KCNB2: variants seen among roughly 807,000 people sequenced by gnomAD.
KCNB2 encodes potassium voltage-gated channel subfamily B member 2, also known as delayed rectifier potassium channel protein.
In KCNB2, 15 loss-of-function variants were observed where a neutral mutation model predicts 61.5. That is an observed-to-expected ratio of 0.24 (90% CI 0.16 to 0.38). KCNB2 has a LOEUF of 0.38. Among genes scored for constraint, KCNB2 ranks in the 10% least tolerant of loss-of-function variants. The probability of loss-of-function intolerance (pLI) is 1.00; values close to 1 mark genes in which losing one functional copy is unlikely to be tolerated. For synonymous variants in KCNB2, 457 were observed against 446.0 expected, an observed-to-expected ratio of 1.02 and a Z score of -0.31; for missense variants, 828 against 1,125.2, an observed-to-expected ratio of 0.74 and a Z score of 3.78.
intron 1 of KCNB2, among the ~76,000 whole-genome samples, chr8:72,560,705 C>T (rs1363097745): frequency 6.6e-6 from 1 of 152,146 alleles, no homozygotes; most frequent in African/African-American, 2.4e-5. Flanking sequence ...TTTCTGTGTG[C>T]ATTTTGAAGC....
At chr8:72,691,993 T>C (rs1806946879) in intron 2 of KCNB2, among the ~76,000 whole-genome samples, 1 of 152,038 alleles carries the variant, frequency 6.6e-6, no homozygotes, top group Admixed American at 6.5e-5. Flanking sequence ...TCCCAGCAGT[T>C]TGGGAGGCCG....
rs1156441696 is a variant in KCNB2, at chr8:72,822,099, T to A, written c.580-113836T>A. Among the ~76,000 whole-genome samples the A allele has an allele frequency of 7.2e-5, 11 of 152,240 alleles. No individual in the cohort carries two copies. In the South Asian group the frequency reaches 1.9e-3, roughly 26 times the overall value. On this transcript the variant is annotated intron_variant, in intron 2 of 2. Transcript: ENST00000523207. ...CCATTTGCTAATCTGATCATGTCAC[T>A]GTCTTGCTTAAAACCCTTTGGTGAC... is the stretch of plus-strand genomic sequence containing the variant.
chr8:72,894,660 A>C (rs1046150059), intron 2 of KCNB2, among the ~76,000 whole-genome samples: 2 of 152,142 alleles, frequency 1.3e-5, no homozygotes, highest in African/African-American at 4.8e-5. Context: ...CAGGGCAGCA[A>C]CATCCTTCCC....
intron 2 of KCNB2, among the ~76,000 whole-genome samples, chr8:72,697,615 C>T (rs1041657424): frequency 6.6e-6 from 1 of 152,010 alleles, no homozygotes; most frequent in Non-Finnish European, 1.5e-5. Flanking sequence ...AGCCACTGTG[C>T]TCCAGCCTGG....
chr8:72,807,174 T>C (rs541013085), intron 2 of KCNB2, among the ~76,000 whole-genome samples: 1 of 152,320 alleles, frequency 6.6e-6, no homozygotes, highest in East Asian at 1.9e-4. Context: ...CAGTGGAAGA[T>C]ATATGGCTGT....
At chr8:72,898,766 G>GTA (rs1168456267) in intron 2 of KCNB2, among the ~76,000 whole-genome samples, 1 of 152,002 alleles carries the variant, frequency 6.6e-6, no homozygotes, top group Non-Finnish European at 1.5e-5. Context: ...CATCATCCAG[G>GTA]TAGTGAACAT....
At chr8:72,862,039 G>T (rs967201158) in intron 2 of KCNB2, among the ~76,000 whole-genome samples, 2 of 152,120 alleles carry the variant, frequency 1.3e-5, no homozygotes, top group Admixed American at 1.3e-4. Context: ...AGGCATAGTG[G>T]TGCACAACTG....
At chr8:72,745,437 A>G (rs1191068234) in intron 2 of KCNB2, among the ~76,000 whole-genome samples, 1 of 152,066 alleles carries the variant, frequency 6.6e-6, no homozygotes, top group African/African-American at 2.4e-5. Flanking sequence ...CATTCCTACT[A>G]CCCTTGTAGG....
At chr8:72,714,305 G>A (rs1219213533) in intron 2 of KCNB2, among the ~76,000 whole-genome samples, 8 of 152,124 alleles carry the variant, frequency 5.3e-5, no homozygotes, top group Non-Finnish European at 1.2e-4. Context: ...AGGAAATACA[G>A]AGAATGCCAC....
chr8:72,893,261 A>G (rs1805931621), intron 2 of KCNB2, among the ~76,000 whole-genome samples: 1 of 152,134 alleles, frequency 6.6e-6, no homozygotes, highest in East Asian at 1.9e-4. Flanking sequence ...TGATAAATAC[A>G]TTTCATGTCC....
At chr8:72,772,282 T>A (rs1403096617) in intron 2 of KCNB2, among the ~76,000 whole-genome samples, 1 of 152,210 alleles carries the variant, frequency 6.6e-6, no homozygotes, top group African/African-American at 2.4e-5. Flanking sequence ...CTACTCCATT[T>A]TGGACCAGAT....
intron 2 of KCNB2, among the ~76,000 whole-genome samples, chr8:72,893,098 AT>A (rs1242665019): frequency 6.6e-6 from 1 of 151,328 alleles, no homozygotes; most frequent in African/African-American, 2.4e-5. Flanking sequence ...ATGCAAGTTG[AT>A]TAAAAAAAAA....
Position 72,656,534 on chromosome 8 carries a change from T to C in KCNB2, c.579+88221T>C, listed in dbSNP as rs145225975. Among the ~76,000 whole-genome samples, 51 of 152,262 alleles carry C rather than the reference T, an allele frequency of 3.3e-4. 1 individual carries two copies. Among genetic ancestry groups the C allele is most frequent in the African/African-American group, 1.2e-3 (51 of 41,572 alleles). ...TTGTAATGTTAACTCATCCAAATTGTACATGTATAATCTCTCTCAATATCT... is the reference window on the plus strand; with the variant it reads ...TTGTAATGTTAACTCATCCAAATTGCACATGTATAATCTCTCTCAATATCT... On this transcript the variant is annotated intron_variant, in intron 2 of 2. Coordinates refer to ENST00000523207, the MANE Select transcript of KCNB2 (RefSeq NM_004770.3).
intron 1 of KCNB2, among the ~76,000 whole-genome samples, chr8:72,558,871 A>T (rs1806468474): frequency 6.6e-6 from 1 of 152,136 alleles, no homozygotes; most frequent in African/African-American, 2.4e-5. Context: ...ATCGTCAGGG[A>T]GGTCAGGGGA....
intron 2 of KCNB2, among the ~76,000 whole-genome samples, chr8:72,698,270 AC>A (rs1807051619): frequency 6.8e-5 from 1 of 14,650 alleles, no homozygotes; most frequent in South Asian, 1.1e-3. Flanking sequence ...TGTAATAGCC[AC>A]ACACACACAC....
At position 72,725,569 on chromosome 8, in the gene KCNB2, A is replaced by G. The variant is rs1327375305; in HGVS notation, c.579+157256A>G. On this transcript the variant is annotated intron_variant, in intron 2 of 2. Coordinates refer to ENST00000523207, the MANE Select transcript of KCNB2 (RefSeq NM_004770.3). The stretch of plus-strand genomic sequence containing the variant: ...TGTATATATATATGTATATATGTAT[A>G]TATATGTATATATATATGTATGTAT... Among the ~76,000 whole-genome samples the G allele has an allele frequency of 7.9e-3, 538 of 67,870 alleles. 8 individuals are homozygous for G. The highest frequency in any genetic ancestry group is 9.5e-3 in the Non-Finnish European group (346 of 36,406). The allele number at this position is 67,870 out of a possible 152,430, so 44.5% of individuals were successfully genotyped here. A position where few individuals can be genotyped will look rare whatever the true frequency, so the allele number is the denominator to read the frequency against.
At chr8:72,822,405 G>A (rs1472692725) in intron 2 of KCNB2, among the ~76,000 whole-genome samples, 1 of 152,172 alleles carries the variant, frequency 6.6e-6, no homozygotes, top group Non-Finnish European at 1.5e-5. Flanking sequence ...AAAGAGTGGA[G>A]AATGCATTTG....
chr8:72,817,946 A>C (rs546598835), intron 2 of KCNB2, among the ~76,000 whole-genome samples: 96 of 152,298 alleles, frequency 6.3e-4, no homozygotes, highest in Non-Finnish European at 1.2e-3. Context: ...AAATATCTTC[A>C]TGGATGTCTG....
At chr8:72,805,127 G>T (rs962078910) in intron 2 of KCNB2, among the ~76,000 whole-genome samples, 1 of 152,170 alleles carries the variant, frequency 6.6e-6, no homozygotes, top group African/African-American at 2.4e-5. Context: ...TGAGGATCAT[G>T]TGCGTTCATA....
Sources: allele counts gnomAD v4.1 joint callset (sites outside exome capture counted in the v4.1 genomes callset), GRCh38; gene constraint gnomAD v4.1.1; transcripts MANE v1.5; gene names NCBI Gene and HGNC (gene_info 2026-07-23, HGNC 2026-07-21).